The following PCDH15 variants were observed in gnomAD, a reference collection of about 807,000 sequenced individuals.
PCDH15 encodes the protein protocadherin related 15.
PCDH15 carries 129 observed loss-of-function variants against 178.5 expected under a neutral mutation model. The ratio of observed to expected loss-of-function variants is 0.72; its 90% CI spans 0.63 to 0.84. The LOEUF is 0.84. Ranked by LOEUF, PCDH15 falls within the 40% of genes least tolerant of loss-of-function variation. The probability of loss-of-function intolerance (pLI) is 0.00; values close to 1 mark genes in which losing one functional copy is unlikely to be tolerated. For synonymous variants in PCDH15, 800 were observed against 732.0 expected (o/e 1.09, Z -1.50); for missense variants, 2,230 against 2,099.9 (o/e 1.06, Z -1.21).
At chr10:55,336,571 C>T (rs536675664) in intron 2 of PCDH15, among the ~76,000 whole-genome samples, 2 of 152,074 alleles carry the variant, frequency 1.3e-5, no homozygotes, top group African/African-American at 4.8e-5. Flanking sequence ...AACCTTTATT[C>T]CAGAGGGTCT....
At chr10:55,404,811 A>T (rs1838158847) in intron 2 of PCDH15, among the ~76,000 whole-genome samples, 1 of 151,854 alleles carries the variant, frequency 6.6e-6, no homozygotes, top group Admixed American at 6.6e-5. Flanking sequence ...ACTATCAGAC[A>T]TACCTAAACC....
intron 15 of PCDH15, among the ~76,000 whole-genome samples, chr10:54,107,864 C>A (rs2094945430): frequency 1.3e-5 from 2 of 152,100 alleles, no homozygotes; most frequent in Non-Finnish European, 2.9e-5. Flanking sequence ...AAAAGGAGGT[C>A]ATTCAAGATG....
At chr10:54,195,065 T>C (rs927581826) in intron 11 of PCDH15, among the ~76,000 whole-genome samples, 9 of 152,204 alleles carry the variant, frequency 5.9e-5, no homozygotes, top group African/African-American at 2.2e-4. Flanking sequence ...GCTAGCCTGG[T>C]ATAGATTTTC....
rs762026724 is a variant in PCDH15 at position 54,378,803 on chromosome 10, G to T, written c.297C>A (p.Thr99=). 6.2e-7 allele frequency: 1 copy of T among 1,613,494 alleles called. No homozygotes were observed. The highest frequency in any genetic ancestry group is 8.5e-7 in the Non-Finnish European group (1 of 1,179,814). The change falls in exon 4 of 38, where the codon ACC becomes ACA. Residue 99 remains threonine (T), a synonymous_variant. Transcript: ENST00000644397. ...TAACATCTCTATCCAGAACTCTTCC[G>T]GTGCTGTTCAGGAAAAGCATTTGCT... ...PVKQMLFLNS[T]GRVLDRDPPM... is the part of the protein sequence containing the mutation.
intron 1 of PCDH15, among the ~76,000 whole-genome samples, chr10:55,280,766 C>G (rs557795198): frequency 6.6e-6 from 1 of 152,248 alleles, no homozygotes; most frequent in East Asian, 1.9e-4. Context: ...TTATCTCTCT[C>G]TAGTTAAATT....
intron 1 of PCDH15, among the ~76,000 whole-genome samples, chr10:54,705,420 C>T (rs1253219113): frequency 1.3e-5 from 2 of 151,946 alleles, no homozygotes; most frequent in African/African-American, 2.4e-5. Flanking sequence ...AGTTAGAATG[C>T]CTGGGTTCAA....
intron 8 of PCDH15, among the ~76,000 whole-genome samples, chr10:54,252,499 G>A (rs1416222163): frequency 1.3e-5 from 2 of 152,016 alleles, no homozygotes; most frequent in Non-Finnish European, 2.9e-5. Context: ...ATTAAAATAT[G>A]CTTTCCTCTG....
chr10:55,266,396 G>A (rs1429227287), intron 1 of PCDH15, among the ~76,000 whole-genome samples: 1 of 152,090 alleles, frequency 6.6e-6, no homozygotes, highest in African/African-American at 2.4e-5. Flanking sequence ...TATTTTAACA[G>A]CAGTTAGATG....
At chr10:54,760,390 T>G (rs117432108) in intron 1 of PCDH15, among the ~76,000 whole-genome samples, 3,068 of 152,250 alleles carry the variant, frequency 0.02, 36 homozygotes, top group Non-Finnish European at 0.031. Flanking sequence ...TTTTATCAAT[T>G]GCCTCACTGA....
In PCDH15 at chr10:54,066,767, C is replaced by G. The variant is rs902984656; in HGVS notation, c.2210G>C (p.Gly737Ala). The G allele has an allele frequency of 9.9e-6, 16 of 1,613,218 alleles. No homozygotes were observed. Among genetic ancestry groups the G allele is most frequent in the Non-Finnish European group, 1.1e-5 (13 of 1,179,482 alleles). ...AAATATTCCACTTACTTTTACTTGA[C>G]CCACAAAGGCATTGGCTTCTTCTTC... is the stretch of plus-strand genomic sequence containing the variant. ...VVEEEANAFVGQVKATDPDAG... is the reference protein window; with the variant it reads ...VVEEEANAFVAQVKATDPDAG... Residue 737 changes from glycine to alanine, a missense_variant, in exon 18 of 38, where the codon GGT (glycine) becomes GCT (alanine). Transcript: ENST00000644397.
At chr10:53,844,135 T>C (rs1017706294) in intron 28 of PCDH15, among the ~76,000 whole-genome samples, 9 of 152,118 alleles carry the variant, frequency 5.9e-5, no homozygotes, top group Admixed American at 5.9e-4. Context: ...TAGTAGTGTG[T>C]GGCCAGAGCA....
intron 2 of PCDH15, among the ~76,000 whole-genome samples, chr10:55,158,157 T>TACAC (rs757640264): frequency 9.3e-5 from 14 of 150,812 alleles, no homozygotes; most frequent in African/African-American, 2.9e-4. Context: ...TCATGTTTTA[T>TACAC]ACTCACACAC....
rs982305526 is a variant in PCDH15, at chr10:55,599,854, G to T, written c.-156+27771C>A. On this transcript the variant is annotated intron_variant, in intron 2 of 5. Transcript: ENST00000613346. ...TTAAGGGTTGCGGTATCCTGAACTT[G>T]CAAAGGTAGCATAATCACTTGTTCC... 6 of 1,291,550 alleles carry T rather than the reference G, an allele frequency of 4.6e-6. No homozygotes were observed. In the Admixed American group the frequency reaches 1.2e-4, roughly 26 times the overall value. 80.0% of individuals were successfully genotyped at this position (1,291,550 alleles called of 1,614,324 possible).
At chr10:55,037,040 C>A (rs1388487592) in intron 2 of PCDH15, among the ~76,000 whole-genome samples, 2 of 152,026 alleles carry the variant, frequency 1.3e-5, no homozygotes, top group African/African-American at 4.8e-5. Flanking sequence ...AACCTGTCAC[C>A]CCTGAAGATA....
chr10:54,836,740 AT>A (rs1449862890), intron 3 of PCDH15, among the ~76,000 whole-genome samples: 2 of 152,148 alleles, frequency 1.3e-5, no homozygotes, highest in Non-Finnish European at 2.9e-5. Flanking sequence ...TGAAGAAAAA[AT>A]TACAGTGTTA....
chr10:54,505,837 T>TC (rs2137576718), intron 3 of PCDH15, among the ~76,000 whole-genome samples: 2 of 152,260 alleles, frequency 1.3e-5, no homozygotes, highest in Admixed American at 1.3e-4. Context: ...TTTAAATTAT[T>TC]CTTAAAGCTG....
At chr10:54,723,422 T>G (rs1005782619) in intron 1 of PCDH15, among the ~76,000 whole-genome samples, 1 of 151,726 alleles carries the variant, frequency 6.6e-6, no homozygotes, top group African/African-American at 2.4e-5. Context: ...GACTTAAACA[T>G]AAGACCAGAA....
chr10:54,209,098 G>A lies in PCDH15; in HGVS notation c.1098+4838C>T, dbSNP rs139534326. 9.2e-5 allele frequency among the ~76,000 whole-genome samples: 14 copies of A among 151,538 alleles called. No homozygotes were observed. In the South Asian group the frequency reaches 2.5e-3, roughly 27 times the overall value. On this transcript the variant is annotated intron_variant, in intron 10 of 37. Transcript: ENST00000644397. ...ATTTTATTAGCTTTTTCATTTTCACGGTAGGTTCCATCTTTTTCATTTTGA... is the reference window on the plus strand; with the variant it reads ...ATTTTATTAGCTTTTTCATTTTCACAGTAGGTTCCATCTTTTTCATTTTGA...
chr10:54,610,268 G>T (rs988993378), intron 2 of PCDH15, among the ~76,000 whole-genome samples: 3 of 151,700 alleles, frequency 2.0e-5, no homozygotes, highest in Non-Finnish European at 2.9e-5. Flanking sequence ...TTTGTCCAAT[G>T]GTTTTAACCC....
Sources: gnomAD v4.1 joint callset for allele counts (sites outside exome capture counted in the v4.1 genomes callset) on GRCh38, gnomAD v4.1.1 for gene constraint, MANE v1.5 for transcripts, NCBI Gene and HGNC (gene_info 2026-07-23, HGNC 2026-07-21) for gene names.